The following PLPPR1 variants were observed in gnomAD, a reference collection of about 807,000 sequenced individuals.
PLPPR1 encodes phospholipid phosphatase-related protein type 1.
In PLPPR1, 10 loss-of-function variants were observed where a neutral mutation model predicts 33.1. The ratio of observed to expected loss-of-function variants is 0.30; its 90% CI spans 0.19 to 0.51. PLPPR1 has a LOEUF of 0.51. Among genes scored for constraint, PLPPR1 ranks in the 20% least tolerant of loss-of-function variants. The pLI, the probability that PLPPR1 is intolerant of heterozygous loss-of-function variation, is 0.97. For synonymous variants in PLPPR1, 151 were observed against 151.0 expected, an observed-to-expected ratio of 1.00 and a Z score of 0.00; for missense variants, 304 against 408.1, an observed-to-expected ratio of 0.74 and a Z score of 2.20.
intron 1 of PLPPR1, among the ~76,000 whole-genome samples, chr9:101,078,825 G>T (rs1830581703): frequency 6.6e-6 from 1 of 151,878 alleles, no homozygotes; most frequent in South Asian, 2.1e-4. Flanking sequence ...CGAAAAAAAA[G>T]TATTCTCAGT....
chr9:101,127,914 T>C (rs1331004370), intron 1 of PLPPR1, among the ~76,000 whole-genome samples: 1 of 152,092 alleles, frequency 6.6e-6, no homozygotes, highest in African/African-American at 2.4e-5. Flanking sequence ...AGAGGATCAT[T>C]TCAAGAGGAT....
rs565317199 is a variant in PLPPR1 at position 101,266,404 on chromosome 9, A to G, written c.64-3476A>G. ...GAATGAGACCCTGTCTCCAAAAAAA[A>G]AAAGAAAGAAAGAAAGAAAGAAATA... On this transcript the variant is annotated intron_variant, in intron 2 of 7. Coordinates refer to ENST00000374874, the MANE Select transcript of PLPPR1 (RefSeq NM_207299.2). Among the ~76,000 whole-genome samples the G allele has an allele frequency of 3.7e-4, 56 of 149,978 alleles. 1 individual carries two copies. Among genetic ancestry groups the G allele is most frequent in the Middle Eastern group, 3.4e-3 (1 of 290 alleles).
chr9:101,317,694 T>C (rs1829082359), intron 7 of PLPPR1, among the ~76,000 whole-genome samples, 198 bp downstream of exon 7: 1 of 152,238 alleles, frequency 6.6e-6, no homozygotes, highest in Admixed American at 6.5e-5. Flanking sequence ...GGGGCAATCA[T>C]GAATCCTCAG....
intron 1 of PLPPR1, among the ~76,000 whole-genome samples, chr9:101,120,410 T>G (rs910950676): frequency 6.6e-6 from 1 of 152,248 alleles, no homozygotes; most frequent in Non-Finnish European, 1.5e-5. Context: ...TATCAATGTC[T>G]TTATCCTTGT....
chr9:101,221,653 G>A (rs573529348), intron 2 of PLPPR1, among the ~76,000 whole-genome samples: 5 of 152,138 alleles, frequency 3.3e-5, no homozygotes, highest in African/African-American at 7.2e-5. Context: ...CTTTAAAAAC[G>A]AGGAAATGGA....
At chr9:101,126,494 T>A (rs1831247937) in intron 1 of PLPPR1, among the ~76,000 whole-genome samples, 1 of 152,170 alleles carries the variant, frequency 6.6e-6, no homozygotes, top group Non-Finnish European at 1.5e-5. Context: ...GAGACAATTG[T>A]TGCCGTTTGT....
intron 1 of PLPPR1, among the ~76,000 whole-genome samples, chr9:101,115,576 T>C (rs1831108826): frequency 1.3e-5 from 2 of 152,214 alleles, no homozygotes; most frequent in Admixed American, 1.3e-4. Flanking sequence ...AAATCATTGA[T>C]GTAAGAGACA....
At chr9:101,229,684 A>C (rs1374407357) in intron 2 of PLPPR1, among the ~76,000 whole-genome samples, 2 of 152,070 alleles carry the variant, frequency 1.3e-5, no homozygotes, top group East Asian at 3.9e-4. Flanking sequence ...TTCATCTTTG[A>C]GTTTCTACAA....
intron 2 of PLPPR1, among the ~76,000 whole-genome samples, chr9:101,244,752 TA>T (rs1827553620): frequency 6.6e-6 from 1 of 151,760 alleles, no homozygotes; most frequent in African/African-American, 2.4e-5. Context: ...CAAAAATTTT[TA>T]TTCATTAAAA....
intron 2 of PLPPR1, among the ~76,000 whole-genome samples, chr9:101,240,994 A>G (rs1165947653): frequency 2.0e-5 from 3 of 152,102 alleles, no homozygotes; most frequent in African/African-American, 4.8e-5. Flanking sequence ...ACCTTAAGCC[A>G]TTAATAACTG....
chr9:101,236,974 T>C (rs1442985683), intron 2 of PLPPR1, among the ~76,000 whole-genome samples: 1 of 151,308 alleles, frequency 6.6e-6, no homozygotes, highest in East Asian at 1.9e-4. Flanking sequence ...TACAAGAAAC[T>C]CAAGAAAAAC....
chr9:101,293,461 C>T (rs1266296034), intron 4 of PLPPR1, among the ~76,000 whole-genome samples: 1 of 151,678 alleles, frequency 6.6e-6, no homozygotes, highest in Non-Finnish European at 1.5e-5. Context: ...ACCTAATAGA[C>T]ATCTACAGAA....
chr9:101,033,838 A>C lies in PLPPR1; in HGVS notation c.-46+4736A>C, dbSNP rs142912284. On this transcript the variant is annotated intron_variant, in intron 1 of 7. Transcript: ENST00000374874. ...TTACAAAGTATCAGAGTCAGGTCTC[A>C]AAGCCCATTTTCATAATTGTACAAG... Among the ~76,000 whole-genome samples, 24 of 152,318 alleles carry C rather than the reference A, an allele frequency of 1.6e-4. No homozygotes were observed. In the East Asian group the frequency reaches 4.2e-3, roughly 27 times the overall value.
intron 1 of PLPPR1, among the ~76,000 whole-genome samples, chr9:101,078,614 AC>A (rs201606353): frequency 0.018 from 2,704 of 152,106 alleles, 74 homozygotes; most frequent in Admixed American, 0.075. Flanking sequence ...AATCACTTGA[AC>A]CTGGGAGGTA....
chr9:101,182,802 T>C (rs1295867097), intron 1 of PLPPR1, among the ~76,000 whole-genome samples: 3 of 151,580 alleles, frequency 2.0e-5, no homozygotes, highest in African/African-American at 7.3e-5. Context: ...ACCTTGAAAA[T>C]AATAAGACGA....
intron 2 of PLPPR1, among the ~76,000 whole-genome samples, chr9:101,236,309 T>G (rs1302265471): frequency 1.3e-5 from 2 of 151,798 alleles, no homozygotes; most frequent in African/African-American, 4.8e-5. Flanking sequence ...CCTCTGGCTG[T>G]TATATTAACT....
At chr9:101,030,716 C>T (rs745926426) in intron 1 of PLPPR1, among the ~76,000 whole-genome samples, 2 of 151,962 alleles carry the variant, frequency 1.3e-5, no homozygotes, top group Non-Finnish European at 2.9e-5. Context: ...GTACTTATGC[C>T]TGCTGCTCCT....
chr9:101,057,903 T>C (rs187324254), intron 1 of PLPPR1, among the ~76,000 whole-genome samples: 105 of 152,248 alleles, frequency 6.9e-4, no homozygotes, highest in African/African-American at 2.5e-3. Context: ...TTAGTTTCTT[T>C]TTGCATGAGT....
At chr9:101,126,199 A>G (rs1175404036) in intron 1 of PLPPR1, among the ~76,000 whole-genome samples, 1 of 152,216 alleles carries the variant, frequency 6.6e-6, no homozygotes, top group Non-Finnish European at 1.5e-5. Flanking sequence ...GCTGCTTCCC[A>G]GCTTTATGTC....
Sources: allele counts gnomAD v4.1 joint callset (sites outside exome capture counted in the v4.1 genomes callset), GRCh38; gene constraint gnomAD v4.1.1; transcripts MANE v1.5; gene names NCBI Gene and HGNC (gene_info 2026-07-23, HGNC 2026-07-21).